Variants in GRID2 observed in about 807,000 individuals in gnomAD.
GRID2 encodes the protein glutamate receptor ionotropic, delta-2.
GRID2 carries 33 observed loss-of-function variants against 114.8 expected under a neutral mutation model. The ratio of observed to expected loss-of-function variants is 0.29; its 90% CI spans 0.22 to 0.38. The LOEUF (loss-of-function observed/expected upper bound fraction) is 0.38, where lower values mean the gene tolerates loss of function less well. GRID2 is among the 10% of genes least tolerant of loss of function. The pLI is 1.00. For synonymous variants in GRID2, 505 were observed against 449.9 expected (o/e 1.12, Z -1.55); for missense variants, 1,184 against 1,257.7 (o/e 0.94, Z 0.89).
chr4:93,548,923 G>T (rs983086658), intron 13 of GRID2, among the ~76,000 whole-genome samples: 1 of 151,752 alleles, frequency 6.6e-6, no homozygotes, highest in African/African-American at 2.4e-5. Flanking sequence ...TTGTGACCTT[G>T]ATTTCTTGAT....
At chr4:93,400,453 T>G (rs765088406) in intron 9 of GRID2, among the ~76,000 whole-genome samples, 6 of 152,122 alleles carry the variant, frequency 3.9e-5, no homozygotes, top group Non-Finnish European at 8.8e-5. Flanking sequence ...AAAGGAATTA[T>G]GAAGATTTTC....
At chr4:92,656,912 A>T (rs751775518) in intron 2 of GRID2, among the ~76,000 whole-genome samples, 1 of 151,732 alleles carries the variant, frequency 6.6e-6, no homozygotes, top group Non-Finnish European at 1.5e-5. Context: ...TTATGTCAAA[A>T]TATGTTCTGA....
At chr4:92,941,391 A>G (rs1010688778) in intron 2 of GRID2, among the ~76,000 whole-genome samples, 2 of 151,992 alleles carry the variant, frequency 1.3e-5, no homozygotes, top group Non-Finnish European at 2.9e-5. Context: ...GGTAGTCTGT[A>G]TTTCTTTGGG....
chr4:93,712,513 A>C (rs1287806615), intron 14 of GRID2, among the ~76,000 whole-genome samples: 1 of 152,146 alleles, frequency 6.6e-6, no homozygotes. Flanking sequence ...AATCAAAATA[A>C]TTTTAAATAA....
intron 10 of GRID2, among the ~76,000 whole-genome samples, chr4:93,442,893 T>C (rs1261718905): frequency 6.6e-6 from 1 of 152,008 alleles, no homozygotes; most frequent in Non-Finnish European, 1.5e-5. Context: ...CCCCCATCCT[T>C]GTCTGTTGTA....
In GRID2 at chr4:93,803,452, G is replaced by A. The variant is rs939282739; in HGVS notation, c.222-3263G>A. On this transcript the variant is annotated intron_variant, in intron 1 of 1. Coordinates refer to the GRID2 transcript ENST00000637838. Reference sequence around the variant, plus strand: ...AACCACACCTTTTTTGGCCGGGTGCGGTGGCTCGCACCTGTAATCCCAGCA... The same window carrying A: ...AACCACACCTTTTTTGGCCGGGTGCAGTGGCTCGCACCTGTAATCCCAGCA... Among the ~76,000 whole-genome samples, 7 of 152,020 alleles carry A rather than the reference G, an allele frequency of 4.6e-5. No homozygotes were observed. In the South Asian group the frequency reaches 6.2e-4, roughly 14 times the overall value.
intron 1 of GRID2, among the ~76,000 whole-genome samples, chr4:92,330,414 G>A (rs948389989): frequency 6.6e-6 from 1 of 152,004 alleles, no homozygotes; most frequent in African/African-American, 2.4e-5. Context: ...GTACAAGCGT[G>A]TCTCACTTTC....
intron 8 of GRID2, among the ~76,000 whole-genome samples, chr4:93,244,370 C>T (rs1747894800): frequency 1.3e-5 from 2 of 151,494 alleles, no homozygotes. Flanking sequence ...ACAGTGGTTT[C>T]TCAGATATAC....
chr4:92,567,029 A>C (rs2149188053), intron 1 of GRID2, among the ~76,000 whole-genome samples: 1 of 152,176 alleles, frequency 6.6e-6, no homozygotes, highest in Non-Finnish European at 1.5e-5. Context: ...CTTTTTCTAA[A>C]TAGTTACACC....
At chr4:93,453,853 GT>G (rs1722944066) in intron 10 of GRID2, among the ~76,000 whole-genome samples, 1 of 151,976 alleles carries the variant, frequency 6.6e-6, no homozygotes, top group Non-Finnish European at 1.5e-5. Flanking sequence ...GCCTGAAAAA[GT>G]AAATGCATCT....
At chr4:93,413,640 A>T (rs1344111574) in intron 9 of GRID2, among the ~76,000 whole-genome samples, 3 of 152,202 alleles carry the variant, frequency 2.0e-5, no homozygotes, top group Non-Finnish European at 2.9e-5. Flanking sequence ...CCCCAAAGGT[A>T]TGTTAAGAGA....
chr4:92,829,549 A>G (rs1298940873), intron 2 of GRID2, among the ~76,000 whole-genome samples: 2 of 152,166 alleles, frequency 1.3e-5, no homozygotes, highest in African/African-American at 4.8e-5. Context: ...AGGATCTAGA[A>G]CCAAATACCA....
intron 1 of GRID2, among the ~76,000 whole-genome samples, chr4:92,355,375 A>G (rs1464170041): frequency 6.6e-6 from 1 of 151,878 alleles, no homozygotes; most frequent in Non-Finnish European, 1.5e-5. Context: ...GTAGTAAGCT[A>G]GAGTTATATT....
chr4:92,728,802 A>G (rs541098232), intron 2 of GRID2, among the ~76,000 whole-genome samples: 5 of 152,006 alleles, frequency 3.3e-5, no homozygotes, highest in Non-Finnish European at 7.4e-5. Context: ...AAACAGAAAT[A>G]TGAGGAATGA....
intron 1 of GRID2, among the ~76,000 whole-genome samples, chr4:92,521,241 T>C (rs1047711427): frequency 2.6e-5 from 4 of 151,928 alleles, no homozygotes; most frequent in Non-Finnish European, 5.9e-5. Flanking sequence ...ACTACACTTC[T>C]TATTACTATT....
At chr4:92,464,199 A>G (rs537669605) in intron 1 of GRID2, among the ~76,000 whole-genome samples, 18 of 152,204 alleles carry the variant, frequency 1.2e-4, no homozygotes, top group African/African-American at 4.1e-4. Context: ...AAAAACCAAA[A>G]GAATGAGAAA....
At chr4:92,846,917 T>C (rs1743369958) in intron 2 of GRID2, among the ~76,000 whole-genome samples, 1 of 152,072 alleles carries the variant, frequency 6.6e-6, no homozygotes, top group Non-Finnish European at 1.5e-5. Context: ...ATGTTCCCAT[T>C]GATGAGCCCT....
chr4:92,819,909 A>G (rs1741162976), intron 2 of GRID2, among the ~76,000 whole-genome samples: 1 of 152,150 alleles, frequency 6.6e-6, no homozygotes, highest in Admixed American at 6.6e-5. Context: ...TATATGAATA[A>G]TAGTGAGAAT....
At chr4:92,586,312 T>C (rs544384363) in intron 1 of GRID2, among the ~76,000 whole-genome samples, 196 of 151,596 alleles carry the variant, frequency 1.3e-3, no homozygotes, top group African/African-American at 4.3e-3. Flanking sequence ...GGTGAAATGA[T>C]TTTATGATCT....
Sources: allele counts gnomAD v4.1 joint callset (sites outside exome capture counted in the v4.1 genomes callset), GRCh38; gene constraint gnomAD v4.1.1; transcripts MANE v1.5; gene names NCBI Gene and HGNC (gene_info 2026-07-23, HGNC 2026-07-21).